Variants in ATF1 observed in about 807,000 individuals in gnomAD.
The protein encoded by ATF1 is activating transcription factor 1.
A neutral mutation model predicts 34.7 loss-of-function variants in ATF1; 16 were observed. The observed-to-expected ratio is 0.46, with a 90% CI of 0.31 to 0.70. The LOEUF (loss-of-function observed/expected upper bound fraction) is 0.70, where lower values mean the gene tolerates loss of function less well. ATF1 is among the 30% of genes least tolerant of loss of function. ATF1 has a pLI of 0.05. For synonymous variants in ATF1, 105 were observed against 113.1 expected (o/e 0.93, Z 0.46); for missense variants, 255 against 321.6 (o/e 0.79, Z 1.58).
At chr12:50,809,641 C>T in intron 4 of ATF1, 52 bp downstream of exon 4, 10 of 1,516,510 alleles carry the variant, frequency 6.6e-6, no homozygotes, top group Non-Finnish European at 9.0e-6. Context: ...CCTGACTTTT[C>T]TGTAGAAAGA....
chr12:50,769,324 G>A (rs1296915323), intron 1 of ATF1, among the ~76,000 whole-genome samples: 1 of 152,062 alleles, frequency 6.6e-6, no homozygotes, highest in Non-Finnish European at 1.5e-5. Context: ...GGCCAACATG[G>A]TGAAACCCCA....
chr12:50,771,870 A>C (rs1025497244), intron 1 of ATF1, among the ~76,000 whole-genome samples: 3 of 152,168 alleles, frequency 2.0e-5, no homozygotes, highest in African/African-American at 7.2e-5. Context: ...GCGCCATGAC[A>C]GTTCACAAAT....
At chr12:50,810,117 G>A (rs1208852307) in intron 4 of ATF1, among the ~76,000 whole-genome samples, 6 of 151,958 alleles carry the variant, frequency 3.9e-5, no homozygotes, top group African/African-American at 9.7e-5. Context: ...ATAGACATGA[G>A]CCACTGCGCC....
intron 2 of ATF1, 113 bp from the exon 3 acceptor site, chr12:50,795,796 G>A (rs958964006): frequency 2.3e-5 from 18 of 788,600 alleles, no homozygotes; most frequent in Non-Finnish European, 3.5e-5. Context: ...TAGATTTAAT[G>A]TACAAATGAA....
rs544710481 is a variant in ATF1 at position 50,801,711 on chromosome 12, C to CA, written c.194+5708dup. On this transcript the variant is annotated intron_variant, in intron 3 of 6. Coordinates refer to ENST00000262053, the MANE Select transcript of ATF1 (RefSeq NM_005171.5). ...ATACATCATATTAATAGAATCAAAACAAAAAACATATGATCATCGCAAGAC... is the reference window on the plus strand; with the variant it reads ...ATACATCATATTAATAGAATCAAAACAAAAAAACATATGATCATCGCAAGAC... 1.2e-4 allele frequency among the ~76,000 whole-genome samples: 18 copies of CA among 152,104 alleles called. No individual in the cohort carries two copies. The South Asian group carries it at 2.5e-3, about 21-fold the overall frequency.
At chr12:50,768,353 C>T (rs1940690121) in intron 1 of ATF1, among the ~76,000 whole-genome samples, 1 of 152,168 alleles carries the variant, frequency 6.6e-6, no homozygotes, top group Non-Finnish European at 1.5e-5. Context: ...CCAGAAATAC[C>T]AGCCGTTTGG....
At chr12:50,798,597 C>A (rs974074041) in intron 3 of ATF1, among the ~76,000 whole-genome samples, 2 of 152,264 alleles carry the variant, frequency 1.3e-5, no homozygotes, top group Admixed American at 6.5e-5. Context: ...GCGTGAGTCA[C>A]CATGCCCAGC....
chr12:50,788,092 T>C (rs1941223309), intron 2 of ATF1: 1 of 391,062 alleles, frequency 2.6e-6, no homozygotes, highest in Non-Finnish European at 5.0e-6. Flanking sequence ...GTAACTCAAA[T>C]ATTGGAAATC....
intron 1 of ATF1, among the ~76,000 whole-genome samples, chr12:50,766,670 G>A (rs1184641426): frequency 8.4e-5 from 10 of 118,538 alleles, no homozygotes; most frequent in African/African-American, 3.4e-4. Context: ...CCCCATAAAA[G>A]GGGAATCTTG....
intron 2 of ATF1, among the ~76,000 whole-genome samples, chr12:50,782,575 A>G (rs887427440): frequency 3.1e-5 from 2 of 64,012 alleles, no homozygotes; most frequent in Admixed American, 1.6e-4. Context: ...TTTTTTTTTT[A>G]GTAGAGACAG....
chr12:50,804,864 TGCAGTGGCGC>T (rs1391503292), intron 3 of ATF1, among the ~76,000 whole-genome samples: 12 of 149,370 alleles, frequency 8.0e-5, no homozygotes, highest in Non-Finnish European at 1.8e-4. Flanking sequence ...CAGGCTGGAG[TGCAGTGGCGC>T]GATCTTGGCT....
At chr12:50,815,552 A>ATT (rs34472221) in intron 6 of ATF1, among the ~76,000 whole-genome samples, 29 of 144,370 alleles carry the variant, frequency 2.0e-4, no homozygotes, top group South Asian at 2.2e-4. Flanking sequence ...CACCCAGCTA[A>ATT]TTTTTTTTTT....
chr12:50,788,178 A>T, intron 2 of ATF1: 1 of 450,872 alleles, frequency 2.2e-6, no homozygotes. Context: ...TAACTATTTT[A>T]TAGCCAATCT....
At chr12:50,780,290 C>T in intron 2 of ATF1, 52 bp downstream of exon 2, 1 of 1,414,568 alleles carries the variant, frequency 7.1e-7, no homozygotes, top group Non-Finnish European at 9.9e-7. Context: ...ATTTTATATG[C>T]AGATTAATCT....
At chr12:50,784,014 T>G (rs886563983) in intron 2 of ATF1, among the ~76,000 whole-genome samples, 1 of 151,760 alleles carries the variant, frequency 6.6e-6, no homozygotes, top group Non-Finnish European at 1.5e-5. Context: ...ATAAAAAAAT[T>G]TAGCCAGGTG....
Position 50,819,895 on chromosome 12 carries a change from C to T in ATF1, c.*116C>T, listed in dbSNP as rs1941914678. On this transcript the variant is annotated 3_prime_UTR_variant, in exon 7 of 7. Coordinates refer to ENST00000262053, the MANE Select transcript of ATF1 (RefSeq NM_005171.5). Reference sequence around the variant, plus strand: ...GCTTTTTATTTAGGCTTTTCCAAATCAAGGATAAATATCTTACGCACGATA... The same window carrying T: ...GCTTTTTATTTAGGCTTTTCCAAATTAAGGATAAATATCTTACGCACGATA... 1 of 936,958 alleles carries T rather than the reference C, an allele frequency of 1.1e-6. No individual in the cohort carries two copies. Among genetic ancestry groups the T allele is most frequent in the African/African-American group, 1.7e-5 (1 of 58,648 alleles). The allele number at this position is 936,958 out of a possible 1,614,324, so 58.0% of individuals were successfully genotyped here.
chr12:50,796,053 C>T (rs1565911103), intron 3 of ATF1, 44 bp downstream of exon 3: 2 of 1,459,972 alleles, frequency 1.4e-6, no homozygotes, highest in Non-Finnish European at 9.4e-7. Context: ...ATGATAGTAC[C>T]AAATGAGTTC....
intron 3 of ATF1, among the ~76,000 whole-genome samples, chr12:50,800,262 T>G (rs1460394738): frequency 1.3e-5 from 2 of 152,222 alleles, no homozygotes; most frequent in Non-Finnish European, 2.9e-5. Context: ...AAATTCTATG[T>G]CTACTGAAAA....
At chr12:50,767,986 C>T (rs969127554) in intron 1 of ATF1, among the ~76,000 whole-genome samples, 5 of 151,868 alleles carry the variant, frequency 3.3e-5, no homozygotes, top group African/African-American at 1.2e-4. Flanking sequence ...GATTTGCCTG[C>T]GTCATCTTCC....
Sources: gnomAD v4.1 joint callset for allele counts (sites outside exome capture counted in the v4.1 genomes callset) on GRCh38, gnomAD v4.1.1 for gene constraint, MANE v1.5 for transcripts, NCBI Gene and HGNC (gene_info 2026-07-23, HGNC 2026-07-21) for gene names.